Variants in CCDC192 observed in about 807,000 individuals in gnomAD.
CCDC192 encodes the protein coiled-coil domain containing 192.
At chr5:127,723,370 G>A (rs1180190536) in intron 2 of CCDC192, among the ~76,000 whole-genome samples, 1 of 152,016 alleles carries the variant, frequency 6.6e-6, no homozygotes, top group Non-Finnish European at 1.5e-5. Flanking sequence ...GAAGTCTTTA[G>A]GTTTTTCCAA....
At chr5:127,847,779 C>T (rs2127077572) in intron 5 of CCDC192, among the ~76,000 whole-genome samples, 1 of 151,728 alleles carries the variant, frequency 6.6e-6, no homozygotes, top group Admixed American at 6.6e-5. Context: ...GCCAAGTTTG[C>T]ACCACTGCAC....
At chr5:127,890,299 C>G (rs762625542) in intron 6 of CCDC192, among the ~76,000 whole-genome samples, 1 of 151,968 alleles carries the variant, frequency 6.6e-6, no homozygotes, top group African/African-American at 2.4e-5. Flanking sequence ...ATCACTTGAG[C>G]CTGGGTGGTC....
At chr5:127,754,179 T>C (rs1236422753) in intron 2 of CCDC192, 89 bp from the exon 3 acceptor site, 1 of 394,776 alleles carries the variant, frequency 2.5e-6, no homozygotes, top group African/African-American at 2.1e-5. Context: ...GATAAACTCT[T>C]ATGGATCTTA....
At chr5:127,756,964 T>A (rs750711431) in intron 3 of CCDC192, among the ~76,000 whole-genome samples, 1 of 152,240 alleles carries the variant, frequency 6.6e-6, no homozygotes, top group Non-Finnish European at 1.5e-5. Context: ...AGCTGGATGA[T>A]CTCTTTATAT....
chr5:127,934,979 G>T (rs1333864542), intron 6 of CCDC192, among the ~76,000 whole-genome samples: 1 of 152,188 alleles, frequency 6.6e-6, no homozygotes, highest in African/African-American at 2.4e-5. Context: ...ATCCTGGGTG[G>T]CTCTGGTGGA....
intron 5 of CCDC192, among the ~76,000 whole-genome samples, chr5:127,859,935 T>C (rs970452927): frequency 1.3e-5 from 2 of 152,230 alleles, no homozygotes; most frequent in African/African-American, 4.8e-5. Flanking sequence ...TTATCTCATG[T>C]GGTTCCTTAC....
chr5:127,918,216 T>TAAAAAAAAAAAAAAAAAAAAAA lies in CCDC192; in HGVS notation c.536-22947_536-22946insAAAAAAAAAAAAAAAAAAAAAA, dbSNP rs1219307107. Among the ~76,000 whole-genome samples the TAAAAAAAAAAAAAAAAAAAAAA allele has an allele frequency of 1.2e-4, 12 of 100,386 alleles. 1 individual carries two copies. Among genetic ancestry groups the TAAAAAAAAAAAAAAAAAAAAAA allele is most frequent in the African/African-American group, 5.4e-4 (12 of 22,150 alleles). 65.9% of individuals were successfully genotyped at this position (100,386 alleles called of 152,430 possible). A position where few individuals can be genotyped will look rare whatever the true frequency, so the allele number is the denominator to read the frequency against. Reference sequence around the variant, plus strand: ...AGGGTTGCCAGACACCTTCAATTTGTAAAAAAAAAAAAAAAAAAAGTAGTA... The same window carrying TAAAAAAAAAAAAAAAAAAAAAA: ...AGGGTTGCCAGACACCTTCAATTTGTAAAAAAAAAAAAAAAAAAAAAAAAAAAAAAAAAAAAAAAAAGTAGTA... On this transcript the variant is annotated intron_variant, in intron 6 of 6. Transcript: ENST00000514853.
rs190447107 is a variant in CCDC192 at position 127,756,077 on chromosome 5, G to C, written c.222+1702G>C. Among the ~76,000 whole-genome samples the C allele has an allele frequency of 1.1e-4, 16 of 151,962 alleles. No individual in the cohort carries two copies. In the East Asian group the frequency reaches 2.3e-3, roughly 22 times the overall value. On this transcript the variant is annotated intron_variant, in intron 3 of 6. Transcript: ENST00000514853. ...GAACCCGGGAGGCGGAGCTTGCAGT[G>C]AGCCGAGATTGCGCCACTGCACTCC...
intron 6 of CCDC192, among the ~76,000 whole-genome samples, chr5:127,938,865 C>T (rs1754265647): frequency 6.6e-6 from 1 of 152,068 alleles, no homozygotes; most frequent in Non-Finnish European, 1.5e-5. Context: ...GACCCTGGCA[C>T]ATCAGGAGAT....
intron 5 of CCDC192, among the ~76,000 whole-genome samples, chr5:127,874,738 A>G (rs1751996666): frequency 6.6e-6 from 1 of 152,222 alleles, no homozygotes; most frequent in Non-Finnish European, 1.5e-5. Context: ...GTAGCTATAC[A>G]AAAGCAACAC....
chr5:127,896,255 A>G (rs1474979259), intron 6 of CCDC192, among the ~76,000 whole-genome samples: 3 of 152,150 alleles, frequency 2.0e-5, no homozygotes, highest in Non-Finnish European at 4.4e-5. Flanking sequence ...CCTGGGCAAC[A>G]TAGTGAGACC....
rs879860922 is a variant in CCDC192 at position 127,868,785 on chromosome 5, C to CA, written c.412-6742dup. On this transcript the variant is annotated intron_variant, in intron 5 of 6. Transcript: ENST00000514853. ...CCATAGTCACAGAGTGAGACTCTGT[C>CA]AAAAAAAAAAAGAGAGAATCTGAAA... Among the ~76,000 whole-genome samples the CA allele has an allele frequency of 4.0e-3, 562 of 140,426 alleles. 1 individual carries two copies. The highest frequency in any genetic ancestry group is 0.012 in the African/African-American group (451 of 38,474). 92.1% of individuals were successfully genotyped at this position (140,426 alleles called of 152,430 possible).
chr5:127,758,533 G>A (rs780502148), intron 3 of CCDC192, among the ~76,000 whole-genome samples: 1 of 152,202 alleles, frequency 6.6e-6, no homozygotes, highest in Non-Finnish European at 1.5e-5. Context: ...AAAGTAGAGT[G>A]AGAAAGTGTC....
At chr5:127,924,078 A>G (rs1353140029) in intron 6 of CCDC192, among the ~76,000 whole-genome samples, 1 of 152,236 alleles carries the variant, frequency 6.6e-6, no homozygotes, top group African/African-American at 2.4e-5. Flanking sequence ...ATATATTCAC[A>G]GACAATATTG....
At chr5:127,797,748 TATATATATATATATATATA>T (rs1561493993) in intron 4 of CCDC192, among the ~76,000 whole-genome samples, 15 of 24,722 alleles carry the variant, frequency 6.1e-4, no homozygotes, top group African/African-American at 1.1e-3. Flanking sequence ...TATATATATA[TATATATATATATATATATA>T]TATATATATA....
chr5:127,760,050 T>C (rs1177247802), intron 3 of CCDC192, among the ~76,000 whole-genome samples: 2 of 152,146 alleles, frequency 1.3e-5, no homozygotes, highest in East Asian at 3.8e-4. Flanking sequence ...TTCATATATC[T>C]TCTGGGTACC....
intron 6 of CCDC192, among the ~76,000 whole-genome samples, chr5:127,900,959 A>AG (rs1753021451): frequency 6.6e-6 from 1 of 152,226 alleles, no homozygotes; most frequent in African/African-American, 2.4e-5. Context: ...GACCAATTTG[A>AG]TAAAAAAATT....
chr5:127,759,130 A>T (rs984501574), intron 3 of CCDC192, among the ~76,000 whole-genome samples: 3 of 151,820 alleles, frequency 2.0e-5, no homozygotes, highest in African/African-American at 4.8e-5. Flanking sequence ...TGGGCAATTC[A>T]CTTTGTCTCC....
intron 5 of CCDC192, among the ~76,000 whole-genome samples, chr5:127,844,410 T>C (rs1750433835): frequency 6.6e-6 from 1 of 152,170 alleles, no homozygotes; most frequent in African/African-American, 2.4e-5. Flanking sequence ...CAGAAATGGA[T>C]TTGACAAAGA....
Sources: gnomAD v4.1 joint callset for allele counts (sites outside exome capture counted in the v4.1 genomes callset) on GRCh38, gnomAD v4.1.1 for gene constraint, MANE v1.5 for transcripts, NCBI Gene and HGNC (gene_info 2026-07-23, HGNC 2026-07-21) for gene names.